The following SEMA4F variants were observed in gnomAD, a reference collection of about 807,000 sequenced individuals.
SEMA4F encodes the protein semaphorin-4F.
SEMA4F carries 51 observed loss-of-function variants against 78.4 expected under a neutral mutation model. That is an observed-to-expected ratio of 0.65 (90% confidence interval 0.52 to 0.82). The LOEUF is 0.82. SEMA4F is among the 40% of genes least tolerant of loss of function. The pLI, the probability that SEMA4F is intolerant of heterozygous loss-of-function variation, is 0.00. For missense variants in SEMA4F, 938 were observed against 1,014.4 expected (o/e 0.92, Z 1.02); for synonymous variants, 418 against 408.7 (o/e 1.02, Z -0.27).
At chr2:74,695,391 C>G in the SEMA4F span, among the ~76,000 whole-genome samples, 1 of 152,238 alleles carries the variant, frequency 6.6e-6, no homozygotes, top group South Asian at 2.1e-4. Flanking sequence ...GCACAGAGCA[C>G]TCCCCTGTCT....
chr2:74,677,864 G>A (rs1344344074), intron 12 of SEMA4F, among the ~76,000 whole-genome samples: 1 of 152,176 alleles, frequency 6.6e-6, no homozygotes, highest in African/African-American at 2.4e-5. Flanking sequence ...GTTTAAAATG[G>A]TAACTGATCT....
Position 74,662,791 on chromosome 2 carries a change from T to A in SEMA4F, c.516T>A (p.Phe172Leu), listed in dbSNP as rs781411561. Residue 172 changes from phenylalanine (F) to leucine (L), a missense_variant, in exon 5 of 14, where the codon TTT becomes TTA. By Grantham distance (22) the Phe-to-Leu change is conservative. Transcript: ENST00000357877. The part of the protein sequence containing the change: ...RLESGRGKCP[F>L]EPAQRSAAVM... ...AGAGTGGCCGGGGGAAATGTCCTTT[T>A]GAGCCAGCTCAGCGGTCAGCAGCTG... 2.5e-6 allele frequency: 4 copies of A among 1,614,086 alleles called. No homozygotes were observed. The Admixed American group carries it at 6.7e-5, about 27-fold the overall frequency.
Position 74,658,930 on chromosome 2 carries a change from A to G in SEMA4F, c.456+979A>G, listed in dbSNP as rs1055636671. On this transcript the variant is annotated intron_variant, in intron 4 of 13. Transcript: ENST00000357877. This position sits in a 1 kb window ranked among gnomAD's most constrained non-coding sequence, Gnocchi z 4.3. ...TGCCACCTGGATCAAGTCAGTGTGT[A>G]TCTCTAAACCCCTCTTTGTTACATA... is the stretch of plus-strand genomic sequence containing the variant. 2.0e-5 allele frequency among the ~76,000 whole-genome samples: 3 copies of G among 152,196 alleles called. No homozygotes were observed. The highest frequency in any genetic ancestry group is 4.8e-5 in the African/African-American group (2 of 41,448).
chr2:74,669,331 A>G (rs1684856717), intron 5 of SEMA4F, among the ~76,000 whole-genome samples: 1 of 151,998 alleles, frequency 6.6e-6, no homozygotes, highest in African/African-American at 2.4e-5. Flanking sequence ...CACGCCTGTA[A>G]TCCCAGTACT....
the SEMA4F span, among the ~76,000 whole-genome samples, chr2:74,690,990 T>C: frequency 1.3e-5 from 2 of 152,236 alleles, no homozygotes; most frequent in African/African-American, 4.8e-5. Flanking sequence ...AACTTTCACA[T>C]AGCCATCCTA....
Position 74,677,262 on chromosome 2 carries a change from T to C in SEMA4F, c.1643+1353T>C, listed in dbSNP as rs191676997. ...CAATCATATCCAAAAGTAGAGAGAA[T>C]TGTATAATGAATTTCCATGCATCCA... On this transcript the variant is annotated intron_variant, in intron 12 of 13. Transcript: ENST00000357877. Among the ~76,000 whole-genome samples, 151 of 152,284 alleles carry C rather than the reference T, an allele frequency of 9.9e-4. 1 individual carries two copies. The highest frequency in any genetic ancestry group is 3.4e-3 in the African/African-American group (141 of 41,560).
Position 74,675,825 on chromosome 2 carries a change from C to T in SEMA4F, c.1559C>T (p.Ser520Leu). The T allele has an allele frequency of 6.2e-7, 1 of 1,614,258 alleles. No homozygotes were observed. Among genetic ancestry groups the T allele is most frequent in the East Asian group, 2.2e-5 (1 of 44,880 alleles). Residue 520 changes from serine (S) to leucine (L), a missense_variant, in exon 12 of 14, where the codon TCA (serine) becomes TTA (leucine). Physicochemically the swap from Ser to Leu is moderately radical, Grantham distance 145. Transcript: ENST00000357877. ...AACTGTGGCCGTCTCCAGAGCTGCT[C>T]AGAGTGCATCCTGGCCCAGGACCCA... ...TTNCGRLQSC[S>L]ECILAQDPVC...
In SEMA4F at chr2:74,654,315, GC is replaced by G. The variant is rs1253855080; in HGVS notation, c.-58del. 1.9e-5 allele frequency: 26 copies of G among 1,380,792 alleles called. No homozygotes were observed. Among genetic ancestry groups the G allele is most frequent in the Non-Finnish European group, 2.0e-5 (22 of 1,073,722 alleles). 85.5% of individuals were successfully genotyped at this position (1,380,792 alleles called of 1,614,324 possible). On this transcript the variant is annotated 5_prime_UTR_variant, in exon 1 of 14. Transcript: ENST00000357877. ...GACCCGAGTGGGGCCGAGGCCAGTA[GC>G]CCCGGGGCCCTGAGCAGAGGCCGTA...
chr2:74,681,148 G>A lies in SEMA4F; in HGVS notation c.*939G>A, dbSNP rs968475347. On this transcript the variant is annotated 3_prime_UTR_variant, in exon 14 of 14. Coordinates refer to ENST00000357877, the MANE Select transcript of SEMA4F (RefSeq NM_004263.5). ...CATTAAAAATCAACAACATTCTAAT[G>A]ATTAGGGAACAACAGAAGGGGAACA... 1.3e-5 allele frequency: 2 copies of A among 152,600 alleles called. No homozygotes were observed. The highest frequency in any genetic ancestry group is 2.4e-5 in the African/African-American group (1 of 41,446). The allele number at this position is 152,600 out of a possible 1,614,324, so 9.5% of individuals were successfully genotyped here. A position where few individuals can be genotyped will look rare whatever the true frequency, so the allele number is the denominator to read the frequency against.
At chr2:74,674,731 C>T in intron 8 of SEMA4F, 55 bp downstream of exon 8, 1 of 1,589,020 alleles carries the variant, frequency 6.3e-7, no homozygotes, top group Non-Finnish European at 8.6e-7. Flanking sequence ...GTGGGGTTGG[C>T]ACAATGTCAG....
At chr2:74,669,181 G>T (rs1046956911) in intron 5 of SEMA4F, among the ~76,000 whole-genome samples, 1 of 152,114 alleles carries the variant, frequency 6.6e-6, no homozygotes. Context: ...AGTGGCGCAT[G>T]CCTGTGGTCC....
chr2:74,657,711 C>T, intron 3 of SEMA4F, 87 bp downstream of exon 3: 1 of 1,438,348 alleles, frequency 7.0e-7, no homozygotes, highest in Non-Finnish European at 9.8e-7. Context: ...GCTTCCATAC[C>T]AATGGGCCCA....
intron 12 of SEMA4F, among the ~76,000 whole-genome samples, chr2:74,677,158 T>C (rs1573263767): frequency 6.6e-6 from 1 of 152,342 alleles, no homozygotes; most frequent in Non-Finnish European, 1.5e-5. Flanking sequence ...TGCCTTGGCC[T>C]CCCAAAGTGC....
chr2:74,660,888 T>A (rs972748437), intron 4 of SEMA4F, among the ~76,000 whole-genome samples: 4 of 151,768 alleles, frequency 2.6e-5, no homozygotes, highest in East Asian at 3.9e-4. Context: ...ATTTGGAGAG[T>A]TTGGGGAATG....
chr2:74,690,760 C>T, the SEMA4F span, among the ~76,000 whole-genome samples: 1 of 152,166 alleles, frequency 6.6e-6, no homozygotes, highest in African/African-American at 2.4e-5. Flanking sequence ...TAGTTAGATG[C>T]AGTAGGTGTC....
the SEMA4F span, among the ~76,000 whole-genome samples, chr2:74,695,958 C>T: frequency 6.6e-6 from 1 of 152,166 alleles, no homozygotes; most frequent in South Asian, 2.1e-4. Context: ...TGAGAGCATA[C>T]AGGGCCACCC....
chr2:74,706,568 A>AGAATGT, the SEMA4F span, among the ~76,000 whole-genome samples: 2 of 152,178 alleles, frequency 1.3e-5, no homozygotes, highest in Non-Finnish European at 2.9e-5. Context: ...CGAAGGCCAA[A>AGAATGT]GAATGTGGGT....
downstream of SEMA4F, among the ~76,000 whole-genome samples, chr2:74,686,950 G>A (rs1264856263): frequency 6.6e-6 from 1 of 151,684 alleles, no homozygotes; most frequent in Non-Finnish European, 1.5e-5. Flanking sequence ...GATGGGTGCA[G>A]CAAACCAACA....
At chr2:74,696,234 C>T in the SEMA4F span, among the ~76,000 whole-genome samples, 9 of 131,550 alleles carry the variant, frequency 6.8e-5, no homozygotes, top group East Asian at 4.4e-4. Context: ...CTCACTCTTT[C>T]GCCCAGGCTG....
Sources: allele counts gnomAD v4.1 joint callset (sites outside exome capture counted in the v4.1 genomes callset), GRCh38; gene constraint gnomAD v4.1.1; non-coding constraint Gnocchi (gnomAD v3.1); transcripts MANE v1.5; gene names NCBI Gene and HGNC (gene_info 2026-07-23, HGNC 2026-07-21).